Variants in NELL2 observed in about 807,000 individuals in gnomAD.
NELL2 encodes protein kinase C-binding protein NELL2.
A neutral mutation model predicts 109.6 loss-of-function variants in NELL2; 41 were observed. The ratio of observed to expected loss-of-function variants is 0.37; its 90% CI spans 0.29 to 0.49. The LOEUF (loss-of-function observed/expected upper bound fraction) is 0.49, where lower values mean the gene tolerates loss of function less well. NELL2 is among the 20% of genes least tolerant of loss of function. NELL2 has a pLI of 0.98. For missense variants in NELL2, 900 were observed against 1,008.3 expected, an observed-to-expected ratio of 0.89 and a Z score of 1.45; for synonymous variants, 355 against 344.7, an observed-to-expected ratio of 1.03 and a Z score of -0.33.
chr12:44,669,794 T>G (rs1271892996), intron 12 of NELL2, among the ~76,000 whole-genome samples: 2 of 152,098 alleles, frequency 1.3e-5, no homozygotes, highest in Non-Finnish European at 2.9e-5. Flanking sequence ...AAATTTGAAT[T>G]TTGGGAGTTC....
chr12:44,832,750 T>C (rs1322219363), intron 2 of NELL2, among the ~76,000 whole-genome samples: 1 of 152,202 alleles, frequency 6.6e-6, no homozygotes, highest in Non-Finnish European at 1.5e-5. Context: ...ACATTTAAAA[T>C]AGTGCTTTAT....
At chr12:44,533,231 C>T (rs1032053966) in intron 15 of NELL2, among the ~76,000 whole-genome samples, 2 of 152,110 alleles carry the variant, frequency 1.3e-5, no homozygotes, top group African/African-American at 4.8e-5. Context: ...CTGTAGGAGA[C>T]AACCTGGGAC....
At chr12:44,793,901 C>G (rs1242685746) in intron 3 of NELL2, among the ~76,000 whole-genome samples, 2 of 152,112 alleles carry the variant, frequency 1.3e-5, no homozygotes, top group Non-Finnish European at 2.9e-5. Context: ...AGGAAACTAC[C>G]TGAAAATATG....
At chr12:44,874,671 C>T (rs1945262671) in intron 2 of NELL2, among the ~76,000 whole-genome samples, 1 of 152,192 alleles carries the variant, frequency 6.6e-6, no homozygotes, top group Non-Finnish European at 1.5e-5. Flanking sequence ...TTCCCTTTCT[C>T]TTGTTATTGG....
intron 16 of NELL2, among the ~76,000 whole-genome samples, chr12:44,524,260 C>G (rs1159212024): frequency 6.6e-6 from 1 of 152,156 alleles, no homozygotes; most frequent in African/African-American, 2.4e-5. Flanking sequence ...AGATGAAAAG[C>G]AAACATATCG....
chr12:44,876,489 G>A (rs4415832), upstream of NELL2: 190,408 of 1,345,392 alleles, frequency 0.14, 14,360 homozygotes, highest in Admixed American at 0.26. Context: ...CCCAGGAGCC[G>A]TTGCAGCCTC....
In NELL2 at chr12:44,591,098, T is replaced by C. The variant is rs908258088; in HGVS notation, c.1663+16071A>G. 1.1e-4 allele frequency among the ~76,000 whole-genome samples: 16 copies of C among 152,244 alleles called. 1 individual carries two copies. In the East Asian group the frequency reaches 2.9e-3, roughly 28 times the overall value. ...AGATATCATCTTACCACAGTTAGAA[T>C]GGCTATTATCAAAAAGAGAAAAAAT... is the stretch of plus-strand genomic sequence containing the variant. On this transcript the variant is annotated intron_variant, in intron 15 of 19. Coordinates refer to ENST00000429094, the MANE Select transcript of NELL2 (RefSeq NM_001145108.2).
Position 44,697,097 on chromosome 12 carries a change from C to A in NELL2, c.1318+6629G>T, listed in dbSNP as rs1360980790. 3.3e-5 allele frequency among the ~76,000 whole-genome samples: 5 copies of A among 152,288 alleles called. No individual in the cohort carries two copies. The East Asian group carries it at 7.7e-4, about 24-fold the overall frequency. On this transcript the variant is annotated intron_variant, in intron 12 of 19. Coordinates refer to ENST00000429094, the MANE Select transcript of NELL2 (RefSeq NM_001145108.2). ...AATAGTTGTAAATAAGGGTTAAGTT[C>A]TTTCAGCATATTTCTGGTCACAGAA...
intron 13 of NELL2, among the ~76,000 whole-genome samples, chr12:44,650,949 G>A (rs886444310): frequency 1.2e-4 from 18 of 152,204 alleles, no homozygotes; most frequent in African/African-American, 4.1e-4. Flanking sequence ...TTAAGCCGGG[G>A]GTCCCCAAGG....
At chr12:44,853,603 G>A (rs1358529889) in intron 2 of NELL2, among the ~76,000 whole-genome samples, 1 of 151,922 alleles carries the variant, frequency 6.6e-6, no homozygotes, top group Non-Finnish European at 1.5e-5. Context: ...CGATCTATTA[G>A]GTATCCTACA....
chr12:44,644,520 C>T (rs1946982853), intron 13 of NELL2, among the ~76,000 whole-genome samples: 1 of 148,258 alleles, frequency 6.7e-6, no homozygotes, highest in African/African-American at 2.5e-5. Context: ...AGCTATTTGA[C>T]TGTCAATCTT....
intron 1 of NELL2, among the ~76,000 whole-genome samples, chr12:44,885,281 A>G (rs1476924079): frequency 1.3e-5 from 2 of 151,512 alleles, no homozygotes; most frequent in African/African-American, 2.4e-5. Flanking sequence ...TATGTTTCAG[A>G]AAAAAAAATT....
chr12:44,742,223 ACTCCAACAGAC>A (rs994826756), intron 9 of NELL2, among the ~76,000 whole-genome samples: 1 of 152,124 alleles, frequency 6.6e-6, no homozygotes, highest in Non-Finnish European at 1.5e-5. Context: ...CCTCTAGCAA[ACTCCAACAGAC>A]CTGCAGCTGA....
intron 15 of NELL2, among the ~76,000 whole-genome samples, chr12:44,569,798 G>A (rs975895504): frequency 2.0e-5 from 3 of 152,016 alleles, no homozygotes; most frequent in Non-Finnish European, 4.4e-5. Context: ...ATTCAGAGAG[G>A]TCTTTGATTA....
intron 15 of NELL2, among the ~76,000 whole-genome samples, chr12:44,585,949 T>C (rs762184588): frequency 6.6e-6 from 1 of 151,286 alleles, no homozygotes; most frequent in Non-Finnish European, 1.5e-5. Context: ...TATAAACTTA[T>C]AGATTCTTTC....
chr12:44,844,023 A>G (rs149354612), intron 2 of NELL2, among the ~76,000 whole-genome samples: 134 of 152,262 alleles, frequency 8.8e-4, no homozygotes, highest in African/African-American at 2.8e-3. Context: ...CCCTGTCTCA[A>G]AAAAACAAAA....
intron 13 of NELL2, among the ~76,000 whole-genome samples, chr12:44,612,095 T>G (rs988596441): frequency 1.3e-5 from 2 of 152,088 alleles, no homozygotes; most frequent in Middle Eastern, 3.2e-3. Flanking sequence ...GAACTCTGTA[T>G]TCCAGACATT....
intron 15 of NELL2, among the ~76,000 whole-genome samples, chr12:44,554,874 C>G (rs551321871): frequency 6.6e-6 from 1 of 152,140 alleles, no homozygotes; most frequent in Non-Finnish European, 1.5e-5. Flanking sequence ...TTTGGAAACT[C>G]AGGTATTAAA....
chr12:44,519,355 C>G (rs1021882674), intron 19 of NELL2, among the ~76,000 whole-genome samples: 11 of 152,170 alleles, frequency 7.2e-5, no homozygotes, highest in Non-Finnish European at 1.5e-4. Flanking sequence ...TCTACAAACT[C>G]TATATGCTCT....
Sources: allele counts gnomAD v4.1 joint callset (sites outside exome capture counted in the v4.1 genomes callset), GRCh38; gene constraint gnomAD v4.1.1; transcripts MANE v1.5; gene names NCBI Gene and HGNC (gene_info 2026-07-23, HGNC 2026-07-21).